Variants in DCC observed in about 807,000 individuals in gnomAD.
DCC encodes the protein DCC netrin 1 receptor.
DCC carries 58 observed loss-of-function variants against 172.5 expected under a neutral mutation model. That is an observed-to-expected ratio of 0.34 (90% CI 0.27 to 0.42). The LOEUF is 0.42. Among genes scored for constraint, DCC ranks in the 10% least tolerant of loss-of-function variants. The probability of loss-of-function intolerance (pLI) is 1.00; values close to 1 mark genes in which losing one functional copy is unlikely to be tolerated. For missense variants in DCC, 1,740 were observed against 1,791.0 expected, an observed-to-expected ratio of 0.97 and a Z score of 0.51; for synonymous variants, 709 against 644.5, an observed-to-expected ratio of 1.10 and a Z score of -1.52.
chr18:52,946,277 T>TAGG (rs2040543833), intron 5 of DCC, among the ~76,000 whole-genome samples: 1 of 152,224 alleles, frequency 6.6e-6, no homozygotes, highest in African/African-American at 2.4e-5. Context: ...TTAATCCATC[T>TAGG]CTGTAATTCC....
chr18:53,222,811 G>C (rs917961261), intron 12 of DCC, among the ~76,000 whole-genome samples: 1 of 151,976 alleles, frequency 6.6e-6, no homozygotes, highest in African/African-American at 2.4e-5. Flanking sequence ...TTTACCAATT[G>C]TTTTTTCTAC....
chr18:53,411,844 C>A (rs1020284509), intron 20 of DCC, among the ~76,000 whole-genome samples: 1 of 152,122 alleles, frequency 6.6e-6, no homozygotes, highest in African/African-American at 2.4e-5. Context: ...TCAGGTTTCA[C>A]TCCAAATGAG....
At chr18:53,312,627 G>T (rs541461258) in intron 13 of DCC, among the ~76,000 whole-genome samples, 1 of 150,818 alleles carries the variant, frequency 6.6e-6, no homozygotes, top group Non-Finnish European at 1.5e-5. Flanking sequence ...TCAGGAGATC[G>T]AGAAACCCCG....
intron 15 of DCC, among the ~76,000 whole-genome samples, chr18:53,359,215 G>A (rs952156896): frequency 2.0e-5 from 3 of 152,086 alleles, no homozygotes; most frequent in Admixed American, 2.0e-4. Flanking sequence ...CAAAAATTGT[G>A]ACCCATGATA....
intron 28 of DCC, among the ~76,000 whole-genome samples, chr18:53,529,032 TCTCTCTCACACA>T (rs1364590205): frequency 9.2e-5 from 6 of 65,192 alleles, no homozygotes; most frequent in South Asian, 6.4e-4. Context: ...TCTCTCTCTC[TCTCTCTCACACA>T]CACACACACA....
intron 2 of DCC, among the ~76,000 whole-genome samples, chr18:52,886,229 C>T (rs902478507): frequency 6.6e-6 from 1 of 152,012 alleles, no homozygotes; most frequent in Non-Finnish European, 1.5e-5. Context: ...CTAGGAATTG[C>T]CTAGGAATTG....
chr18:53,527,089 ACGTG>A (rs2046465504), intron 28 of DCC: 2 of 297,218 alleles, frequency 6.7e-6, no homozygotes, highest in South Asian at 2.7e-5. Context: ...ACACATGGAT[ACGTG>A]TGTGTGTGTG....
intron 1 of DCC, among the ~76,000 whole-genome samples, chr18:52,428,345 C>T (rs1352994882): frequency 6.6e-6 from 1 of 151,942 alleles, no homozygotes; most frequent in Non-Finnish European, 1.5e-5. Flanking sequence ...TCCGTTAGTA[C>T]AAGAAAAGTA....
intron 12 of DCC, among the ~76,000 whole-genome samples, chr18:53,220,188 G>A (rs1009176111): frequency 6.6e-6 from 1 of 152,166 alleles, no homozygotes; most frequent in African/African-American, 2.4e-5. Context: ...TCTGGGGTAT[G>A]TGTATGTGTG....
intron 1 of DCC, among the ~76,000 whole-genome samples, chr18:52,465,684 C>T (rs551822451): frequency 1.2e-4 from 18 of 152,244 alleles, no homozygotes; most frequent in Non-Finnish European, 1.8e-4. Flanking sequence ...TTTAAAAAGC[C>T]AGCTCCATTG....
rs146990996 is a variant in DCC at position 53,486,551 on chromosome 18, T to A, written c.3737-246T>A. Reference sequence around the variant, plus strand: ...ATTTATGGTAACTTGATTAACTGTTTCTTTGTTTGGAGCCCTGGAATGTTT... The same window carrying A: ...ATTTATGGTAACTTGATTAACTGTTACTTTGTTTGGAGCCCTGGAATGTTT... On this transcript the variant is annotated intron_variant, in intron 25 of 28. Transcript: ENST00000442544. Among the ~76,000 whole-genome samples the A allele has an allele frequency of 1.5e-4, 23 of 152,312 alleles. No homozygotes were observed. In the East Asian group the frequency reaches 4.0e-3, roughly 27 times the overall value.
At chr18:53,138,542 G>A (rs1309989423) in intron 7 of DCC, among the ~76,000 whole-genome samples, 1 of 152,194 alleles carries the variant, frequency 6.6e-6, no homozygotes, top group Non-Finnish European at 1.5e-5. Flanking sequence ...TGCCAGGATT[G>A]TACAATATAT....
chr18:53,447,366 T>C lies in DCC; in HGVS notation c.3230-3134T>C, dbSNP rs537486168. 1.5e-3 allele frequency among the ~76,000 whole-genome samples: 229 copies of C among 152,278 alleles called. 1 individual carries two copies. Among genetic ancestry groups the C allele is most frequent in the African/African-American group, 5.4e-3 (225 of 41,568 alleles). ...CCTTGAATACAAAATTTTAAACTGG[T>C]GGGAACTTTTATGAGGAAGTCATAA... On this transcript the variant is annotated intron_variant, in intron 22 of 28. Transcript: ENST00000442544.
intron 1 of DCC, among the ~76,000 whole-genome samples, chr18:52,699,076 C>T (rs1003479377): frequency 2.6e-5 from 4 of 152,168 alleles, no homozygotes; most frequent in South Asian, 2.1e-4. Context: ...CATGTGTGCT[C>T]TTTCCCAAGG....
chr18:52,362,864 G>A (rs756953511), intron 1 of DCC, among the ~76,000 whole-genome samples: 12 of 151,696 alleles, frequency 7.9e-5, no homozygotes, highest in Non-Finnish European at 7.4e-5. Context: ...TCTTTCTTTC[G>A]TTCATTCATT....
chr18:52,963,440 G>A lies in DCC; in HGVS notation c.985+38070G>A, dbSNP rs2040877665. 2.0e-5 allele frequency among the ~76,000 whole-genome samples: 3 copies of A among 152,060 alleles called. No individual in the cohort carries two copies. The South Asian group carries it at 6.2e-4, about 31-fold the overall frequency. On this transcript the variant is annotated intron_variant, in intron 5 of 28. Transcript: ENST00000442544. ...ATAAATGATACTTCTAAAGCAGAAA[G>A]CAAGACTGTGAAGCAAAGACCTGCA...
chr18:52,880,115 A>G (rs1287295533), intron 2 of DCC, among the ~76,000 whole-genome samples: 1 of 151,186 alleles, frequency 6.6e-6, no homozygotes. Flanking sequence ...ATCAAATACT[A>G]GGTCTTATTC....
chr18:52,555,236 TG>T (rs1444912409), intron 1 of DCC, among the ~76,000 whole-genome samples: 2 of 152,120 alleles, frequency 1.3e-5, no homozygotes, highest in Non-Finnish European at 2.9e-5. Flanking sequence ...GTCTAAAAGT[TG>T]GTCAAAGAAA....
At chr18:53,172,170 G>A (rs2055023655) in intron 8 of DCC, among the ~76,000 whole-genome samples, 1 of 152,166 alleles carries the variant, frequency 6.6e-6, no homozygotes, top group Non-Finnish European at 1.5e-5. Context: ...TCCCTTTGCA[G>A]CAACACGGAT....
Sources: allele counts gnomAD v4.1 joint callset (sites outside exome capture counted in the v4.1 genomes callset), GRCh38; gene constraint gnomAD v4.1.1; transcripts MANE v1.5; gene names NCBI Gene and HGNC (gene_info 2026-07-23, HGNC 2026-07-21).